EFHC2: variants seen among roughly 807,000 people sequenced by gnomAD.
EFHC2 encodes EF-hand domain containing 2, also known as EF-hand domain-containing family member C2.
EFHC2 carries 18 observed loss-of-function variants against 52.7 expected under a neutral mutation model. That is an observed-to-expected ratio of 0.34 (90% CI 0.24 to 0.51). The LOEUF is 0.51. Ranked by LOEUF, EFHC2 falls within the 20% of genes least tolerant of loss-of-function variation. The pLI is 0.97. For missense variants in EFHC2, 513 were observed against 562.5 expected (o/e 0.91, Z 0.89); for synonymous variants, 203 against 204.1 (o/e 0.99, Z 0.04).
At chrX:44,176,428 C>A (rs7887384) in intron 12 of EFHC2, 44 bp from the exon 13 acceptor site, 5 of 894,140 alleles carry the variant, frequency 5.6e-6, no homozygotes, top group Non-Finnish European at 6.2e-6. Flanking sequence ...ACCTTGTATA[C>A]CTTTAGTAAT....
chrX:44,342,376 T>C (rs1392342955), intron 1 of EFHC2, among the ~76,000 whole-genome samples: 5 of 112,375 alleles, frequency 4.4e-5, no homozygotes, highest in Non-Finnish European at 9.4e-5. Flanking sequence ...TGGCTCCATC[T>C]AATTCCCTCC....
intron 12 of EFHC2, among the ~76,000 whole-genome samples, chrX:44,178,129 T>TAACACACACACACACACACACA (rs1556000435): frequency 1.2e-5 from 1 of 83,951 alleles, no homozygotes; most frequent in African/African-American, 4.7e-5. Context: ...AGATGCCATA[T>TAACACACACACACACACACACA]CACACACACA....
At chrX:44,165,841 C>T (rs1020936033) in intron 13 of EFHC2, among the ~76,000 whole-genome samples, 11 of 111,084 alleles carry the variant, frequency 9.9e-5, no homozygotes, top group African/African-American at 3.6e-4. Flanking sequence ...AGGGCTCTGC[C>T]CTCATGATGA....
intron 11 of EFHC2, among the ~76,000 whole-genome samples, chrX:44,212,914 C>T (rs1470034199): frequency 9.3e-6 from 1 of 107,910 alleles, no homozygotes; most frequent in Admixed American, 9.9e-5. Flanking sequence ...AGCGTTTCAC[C>T]ATGTTGGCCA....
chrX:44,331,427 A>T (rs2038085787), intron 1 of EFHC2, among the ~76,000 whole-genome samples: 1 of 111,807 alleles, frequency 8.9e-6, no homozygotes, highest in African/African-American at 3.3e-5. Context: ...AAAGGACAAC[A>T]TGAGGAATCC....
intron 1 of EFHC2, among the ~76,000 whole-genome samples, chrX:44,315,819 C>T (rs775099993): frequency 1.3e-4 from 14 of 110,066 alleles, no homozygotes; most frequent in Middle Eastern, 8.7e-3. Context: ...AGGAGAGGGG[C>T]GAATCTGGTA....
At chrX:44,183,624 T>C (rs1026580758) in intron 11 of EFHC2, among the ~76,000 whole-genome samples, 1 of 112,083 alleles carries the variant, frequency 8.9e-6, no homozygotes, top group Non-Finnish European at 1.9e-5. Context: ...TAATGCCATG[T>C]ACAAAGCTCT....
At chrX:44,215,498 T>C (rs1223502367) in intron 11 of EFHC2, among the ~76,000 whole-genome samples, 1 of 99,184 alleles carries the variant, frequency 1.0e-5, no homozygotes, top group Non-Finnish European at 2.0e-5. Context: ...TCAACTCCTA[T>C]GTGTTTACTC....
At chrX:44,282,664 A>G (rs1485755078) in intron 2 of EFHC2, among the ~76,000 whole-genome samples, 2 of 33,917 alleles carry the variant, frequency 5.9e-5, no homozygotes, top group African/African-American at 9.8e-5. Context: ...GTGGGAGAGG[A>G]GGACAAAGAA....
At chrX:44,322,711 G>A (rs62590832) in intron 1 of EFHC2, among the ~76,000 whole-genome samples, 1 of 112,053 alleles carries the variant, frequency 8.9e-6, no homozygotes, top group African/African-American at 3.2e-5. Context: ...CTGCCTGTTA[G>A]CATTTATTAT....
At chrX:44,332,627 C>T (rs1441580381) in intron 1 of EFHC2, among the ~76,000 whole-genome samples, 3 of 111,392 alleles carry the variant, frequency 2.7e-5, no homozygotes, top group African/African-American at 6.5e-5. Flanking sequence ...CTAAGAAATC[C>T]CTTTACCATT....
intron 4 of EFHC2, among the ~76,000 whole-genome samples, chrX:44,254,835 G>T (rs2037479615): frequency 9.0e-6 from 1 of 111,649 alleles, no homozygotes; most frequent in African/African-American, 3.3e-5. Context: ...ATTCACCAAG[G>T]TTGAAATGAA....
chrX:44,254,198 C>T (rs2037474948), intron 4 of EFHC2, among the ~76,000 whole-genome samples: 2 of 111,982 alleles, frequency 1.8e-5, no homozygotes, highest in Non-Finnish European at 3.8e-5. Flanking sequence ...TTCCAAAAAA[C>T]CAGAACACCT....
chrX:44,272,645 G>C (rs755664573), intron 3 of EFHC2, 41 bp downstream of exon 3: 15 of 1,149,087 alleles, frequency 1.3e-5, no homozygotes, highest in Non-Finnish European at 1.7e-5. Flanking sequence ...AAAGGCAGGA[G>C]TCAGAAGTGA....
chrX:44,278,298 C>T (rs1255481198), intron 2 of EFHC2, among the ~76,000 whole-genome samples: 1 of 112,016 alleles, frequency 8.9e-6, no homozygotes, highest in Non-Finnish European at 1.9e-5. Flanking sequence ...TCACTTGAGC[C>T]TGGGAGGTGG....
chrX:44,211,433 C>T (rs1224726482), intron 11 of EFHC2, among the ~76,000 whole-genome samples: 8 of 111,195 alleles, frequency 7.2e-5, no homozygotes, highest in African/African-American at 2.6e-4. Flanking sequence ...GAGGCTGAGA[C>T]AGGAGAATCA....
chrX:44,218,608 G>A (rs915797634), intron 11 of EFHC2, among the ~76,000 whole-genome samples: 5 of 112,098 alleles, frequency 4.5e-5, no homozygotes, highest in Non-Finnish European at 7.5e-5. Flanking sequence ...ACTTAAAAGC[G>A]AAAGCTAAAA....
At chrX:44,205,969 C>T (rs903813978) in intron 11 of EFHC2, among the ~76,000 whole-genome samples, 9 of 111,642 alleles carry the variant, frequency 8.1e-5, no homozygotes, top group Non-Finnish European at 1.5e-4. Flanking sequence ...AGATTGACCA[C>T]GTGCTCAGTC....
At chrX:44,167,972 C>T (rs2036709727) in intron 13 of EFHC2, among the ~76,000 whole-genome samples, 2 of 111,344 alleles carry the variant, frequency 1.8e-5, no homozygotes, top group African/African-American at 6.5e-5. Flanking sequence ...CCCACAATGA[C>T]AAAGAGAATT....
Sources: allele counts gnomAD v4.1 joint callset (sites outside exome capture counted in the v4.1 genomes callset), GRCh38; gene constraint gnomAD v4.1.1; transcripts MANE v1.5; gene names NCBI Gene and HGNC (gene_info 2026-07-23, HGNC 2026-07-21).